Variants in POLGARF observed in about 807,000 individuals in gnomAD.
POLGARF encodes the protein POLG alternative reading frame.
At chr15:89,333,286 G>T in the POLGARF span, 6 of 1,556,900 alleles carry the variant, frequency 3.9e-6, no homozygotes, top group Non-Finnish European at 5.2e-6. Flanking sequence ...GCCTGCAACA[G>T]CAAGTTGGCC....
the POLGARF span, chr15:89,333,083 T>C: frequency 1.3e-6 from 2 of 1,510,396 alleles, no homozygotes; most frequent in Non-Finnish European, 1.8e-6. Context: ...TCCCCAACCC[T>C]GCCCCTACTT....
At chr15:89,333,725 G>C in the POLGARF span, 2 of 1,535,990 alleles carry the variant, frequency 1.3e-6, no homozygotes, top group Non-Finnish European at 1.7e-6. Flanking sequence ...CGGTGGCGCC[G>C]GCCACCTTCC....
the POLGARF span, chr15:89,333,484 C>T: frequency 6.2e-7 from 1 of 1,612,610 alleles, no homozygotes; most frequent in Non-Finnish European, 8.5e-7. Context: ...ATCTCCCCTC[C>T]TTGCCCGAAG....
chr15:89,330,420 A>C, the POLGARF span: 1 of 717,906 alleles, frequency 1.4e-6, no homozygotes, highest in East Asian at 2.7e-5. Context: ...CTCCTAACTC[A>C]AACAGCTACA....
At chr15:89,333,432 TGCAGGTGCTCGACGCTGCGGCGCACCGCG>T in the POLGARF span, 1 of 1,609,082 alleles carries the variant, frequency 6.2e-7, no homozygotes, top group South Asian at 1.1e-5. Flanking sequence ...CCCGTGCTTC[TGCAGGTGCTCGACGCTGCGGCGCACCGCG>T]GCCTCGCCAG....
chr15:89,333,665 G>A, the POLGARF span: 1 of 1,561,054 alleles, frequency 6.4e-7, no homozygotes. Flanking sequence ...CGGACGCGGG[G>A]ACGGAGCTGG....
the POLGARF span, among the ~76,000 whole-genome samples, chr15:89,331,220 G>A: frequency 6.6e-6 from 1 of 152,126 alleles, no homozygotes; most frequent in Non-Finnish European, 1.5e-5. Context: ...GCAAAAAGAG[G>A]TTCCTAGTTT....
At chr15:89,332,777 C>T in the POLGARF span, among the ~76,000 whole-genome samples, 1 of 152,270 alleles carries the variant, frequency 6.6e-6, no homozygotes, top group Non-Finnish European at 1.5e-5. Flanking sequence ...CTTCTCATGA[C>T]GCTATTAGGA....
At chr15:89,333,614 C>CTGT in the POLGARF span, 5 of 1,600,452 alleles carry the variant, frequency 3.1e-6, no homozygotes, top group Non-Finnish European at 4.3e-6. Flanking sequence ...GCTGCTGCTG[C>CTGT]TGCTGCTGCT....
chr15:89,332,851 G>A, the POLGARF span, among the ~76,000 whole-genome samples: 4 of 152,118 alleles, frequency 2.6e-5, no homozygotes, highest in African/African-American at 9.7e-5. Flanking sequence ...CATGTACAGC[G>A]CTCTACTGTG....
the POLGARF span, chr15:89,333,183 T>C: frequency 6.4e-7 from 1 of 1,568,860 alleles, no homozygotes; most frequent in South Asian, 1.2e-5. Flanking sequence ...GGCCCGCTCC[T>C]CGGGGATGGC....
the POLGARF span, chr15:89,330,370 G>A: frequency 3.1e-6 from 3 of 974,042 alleles, no homozygotes; most frequent in Non-Finnish European, 3.2e-6. Flanking sequence ...ATGCCAGATG[G>A]TGCATTGGCA....
the POLGARF span, chr15:89,333,681 C>A: frequency 6.5e-7 from 1 of 1,548,310 alleles, no homozygotes; most frequent in East Asian, 2.4e-5. Context: ...GCTGGAGACC[C>A]AGCGCCCCGG....
the POLGARF span, chr15:89,330,341 A>C: frequency 2.5e-6 from 3 of 1,215,032 alleles, no homozygotes; most frequent in African/African-American, 1.5e-5. Flanking sequence ...CACAACAACC[A>C]CTGCACACCT....
chr15:89,333,734 C>A, the POLGARF span: 2 of 1,535,630 alleles, frequency 1.3e-6, no homozygotes, highest in Non-Finnish European at 1.7e-6. Flanking sequence ...CGGCCACCTT[C>A]CTCCAGAGCA....
At chr15:89,332,137 A>C in the POLGARF span, 3 of 152,194 alleles carry the variant, frequency 2.0e-5, no homozygotes, top group African/African-American at 7.2e-5. Flanking sequence ...ACATATTCTA[A>C]GTAGTGTGAT....
chr15:89,332,996 G>A, the POLGARF span: 2 of 1,453,852 alleles, frequency 1.4e-6, no homozygotes, highest in Non-Finnish European at 1.8e-6. Context: ...CCCTACGTGA[G>A]CACCCAGCCC....
At chr15:89,333,723 C>A in the POLGARF span, 12 of 1,536,224 alleles carry the variant, frequency 7.8e-6, no homozygotes, top group Non-Finnish European at 1.0e-5. Context: ...GACGGTGGCG[C>A]CGGCCACCTT....
At chr15:89,333,348 T>G in the POLGARF span, 5 of 1,568,484 alleles carry the variant, frequency 3.2e-6, no homozygotes, top group South Asian at 3.4e-5. Flanking sequence ...GAAGTGCTGG[T>G]CCAGGTTGTC....
Sources: gnomAD v4.1 joint callset for allele counts (sites outside exome capture counted in the v4.1 genomes callset) on GRCh38, gnomAD v4.1.1 for gene constraint, MANE v1.5 for transcripts, NCBI Gene and HGNC (gene_info 2026-07-23, HGNC 2026-07-21) for gene names.